The following DPP10 variants were observed in gnomAD, a reference collection of about 807,000 sequenced individuals.
DPP10 encodes the protein inactive dipeptidyl peptidase 10.
In DPP10, 33 loss-of-function variants were observed where a neutral mutation model predicts 120.9. The ratio of observed to expected loss-of-function variants is 0.27; its 90% CI spans 0.21 to 0.37. The LOEUF is 0.37. Among genes scored for constraint, DPP10 ranks in the 10% least tolerant of loss-of-function variants. DPP10 has a pLI of 1.00. For synonymous variants in DPP10, 337 were observed against 326.1 expected, an observed-to-expected ratio of 1.03 and a Z score of -0.36; for missense variants, 816 against 942.8, an observed-to-expected ratio of 0.87 and a Z score of 1.76.
chr2:115,243,108 A>G (rs2058365340), intron 1 of DPP10, among the ~76,000 whole-genome samples: 1 of 152,238 alleles, frequency 6.6e-6, no homozygotes, highest in Non-Finnish European at 1.5e-5. Flanking sequence ...CCAATTTATT[A>G]CAAGTAAGGT....
chr2:115,328,740 C>T (rs936364438), intron 2 of DPP10, among the ~76,000 whole-genome samples: 3 of 152,084 alleles, frequency 2.0e-5, no homozygotes, highest in Non-Finnish European at 4.4e-5. Context: ...CTGTCCTTCC[C>T]TCATCTCTTC....
chr2:114,826,891 G>A (rs886200194), intron 1 of DPP10, among the ~76,000 whole-genome samples: 2 of 152,124 alleles, frequency 1.3e-5, no homozygotes, highest in South Asian at 2.1e-4. Flanking sequence ...AAACATGATT[G>A]GATAACAGGA....
At chr2:115,801,757 C>G (rs1575819395) in intron 19 of DPP10, among the ~76,000 whole-genome samples, 1 of 152,014 alleles carries the variant, frequency 6.6e-6, no homozygotes, top group Non-Finnish European at 1.5e-5. Flanking sequence ...GTATGTTGAA[C>G]CAGCCTTGCA....
At chr2:114,972,734 G>T (rs10460456) in intron 1 of DPP10, among the ~76,000 whole-genome samples, 38,799 of 152,086 alleles carry the variant, frequency 0.26, 5,024 homozygotes, top group East Asian at 0.34. Flanking sequence ...AATCAAGAAA[G>T]TGTTCTATGA....
At chr2:115,259,803 A>C (rs957858450) in intron 1 of DPP10, among the ~76,000 whole-genome samples, 4 of 152,138 alleles carry the variant, frequency 2.6e-5, no homozygotes, top group African/African-American at 9.7e-5. Context: ...ACACATATGC[A>C]TAAACATATT....
At chr2:115,297,367 C>A in intron 1 of DPP10, 1 of 275,574 alleles carries the variant, frequency 3.6e-6, no homozygotes, top group South Asian at 3.0e-5. Flanking sequence ...TATCGCTCTA[C>A]AATGAATATT....
intron 7 of DPP10, among the ~76,000 whole-genome samples, chr2:115,723,281 G>A (rs533953198): frequency 2.1e-4 from 32 of 152,282 alleles, no homozygotes; most frequent in African/African-American, 6.7e-4. Context: ...TATTGTCATT[G>A]TCTGGTATAC....
intron 1 of DPP10, among the ~76,000 whole-genome samples, chr2:115,179,414 A>T (rs2053927289): frequency 6.6e-6 from 1 of 152,152 alleles, no homozygotes; most frequent in South Asian, 2.1e-4. Flanking sequence ...CATGATAATG[A>T]ATACGTGGTG....
chr2:115,479,213 G>T (rs565704914), intron 3 of DPP10, among the ~76,000 whole-genome samples: 1 of 152,078 alleles, frequency 6.6e-6, no homozygotes, highest in Non-Finnish European at 1.5e-5. Flanking sequence ...ACAATGGGAT[G>T]TTATTCATCC....
chr2:114,721,457 C>T (rs1701701594), intron 1 of DPP10, among the ~76,000 whole-genome samples: 1 of 152,198 alleles, frequency 6.6e-6, no homozygotes, highest in Non-Finnish European at 1.5e-5. Context: ...ATAGACTTTT[C>T]TCTTTGTTTT....
intron 1 of DPP10, among the ~76,000 whole-genome samples, chr2:114,672,928 T>A (rs963762254): frequency 5.3e-5 from 8 of 152,160 alleles, no homozygotes; most frequent in African/African-American, 1.9e-4. Context: ...AACAGTGATG[T>A]CAAGGAGCAT....
intron 1 of DPP10, among the ~76,000 whole-genome samples, chr2:114,865,423 A>G (rs996835194): frequency 6.6e-5 from 10 of 152,244 alleles, no homozygotes; most frequent in African/African-American, 1.9e-4. Flanking sequence ...AGATAAATTC[A>G]TAAATAAATC....
At chr2:115,615,215 T>C (rs2084400749) in intron 5 of DPP10, among the ~76,000 whole-genome samples, 1 of 152,212 alleles carries the variant, frequency 6.6e-6, no homozygotes, top group South Asian at 2.1e-4. Flanking sequence ...TCCTACTGCT[T>C]AGTTCCTTAC....
intron 1 of DPP10, among the ~76,000 whole-genome samples, chr2:114,646,548 T>G (rs1013023749): frequency 1.3e-5 from 2 of 152,208 alleles, no homozygotes; most frequent in Non-Finnish European, 2.9e-5. Flanking sequence ...TTAATTAATC[T>G]GATGAACTCT....
At chr2:115,162,291 C>G in intron 1 of DPP10, 1 of 1,519,706 alleles carries the variant, frequency 6.6e-7, no homozygotes, top group Non-Finnish European at 8.8e-7. Context: ...TGAAGGTGCC[C>G]CGGGGAACCC....
intron 1 of DPP10, among the ~76,000 whole-genome samples, chr2:115,098,993 A>T (rs921707322): frequency 6.6e-6 from 1 of 152,050 alleles, no homozygotes; most frequent in African/African-American, 2.4e-5. Context: ...CTCAAGAATC[A>T]CCAGGTTTAG....
chr2:114,659,859 A>C (rs1014332303), intron 1 of DPP10, among the ~76,000 whole-genome samples: 1 of 152,182 alleles, frequency 6.6e-6, no homozygotes, highest in Non-Finnish European at 1.5e-5. Flanking sequence ...GAGCTGTATA[A>C]AGACAGAGGG....
chr2:115,175,058 G>A (rs10195710), intron 1 of DPP10, among the ~76,000 whole-genome samples: 55,962 of 152,088 alleles, frequency 0.37, 12,033 homozygotes, highest in Non-Finnish European at 0.48. Flanking sequence ...ATCAAGCTGC[G>A]TGGTGGTAGT....
chr2:115,430,188 T>C (rs996374787), intron 3 of DPP10, among the ~76,000 whole-genome samples: 6 of 152,156 alleles, frequency 3.9e-5, no homozygotes, highest in Non-Finnish European at 8.8e-5. Flanking sequence ...AAATTAATTG[T>C]CACACAAATT....
Sources: gnomAD v4.1 joint callset for allele counts (sites outside exome capture counted in the v4.1 genomes callset) on GRCh38, gnomAD v4.1.1 for gene constraint, MANE v1.5 for transcripts, NCBI Gene and HGNC (gene_info 2026-07-23, HGNC 2026-07-21) for gene names.